The following MGAT5 variants were observed in gnomAD, a reference collection of about 807,000 sequenced individuals.
The protein encoded by MGAT5 is alpha-1,6-mannosylglycoprotein 6-beta-N-acetylglucosaminyltransferase A.
MGAT5 carries 30 observed loss-of-function variants against 94.3 expected under a neutral mutation model. The ratio of observed to expected loss-of-function variants is 0.32; its 90% CI spans 0.24 to 0.43. The LOEUF (loss-of-function observed/expected upper bound fraction) is 0.43, where lower values mean the gene tolerates loss of function less well. Ranked by LOEUF, MGAT5 falls within the 20% of genes least tolerant of loss-of-function variation. The pLI is 1.00. For synonymous variants in MGAT5, 310 were observed against 322.9 expected (o/e 0.96, Z 0.43); for missense variants, 691 against 905.5 (o/e 0.76, Z 3.04).
chr2:134,410,257 T>G (rs975209665), intron 11 of MGAT5, among the ~76,000 whole-genome samples: 9 of 152,368 alleles, frequency 5.9e-5, no homozygotes, highest in Non-Finnish European at 1.2e-4. Flanking sequence ...TCTCTCCGCC[T>G]GTTGTGTTTT....
intron 1 of MGAT5, among the ~76,000 whole-genome samples, chr2:134,157,920 C>T (rs1219857133): frequency 1.3e-5 from 2 of 152,222 alleles, no homozygotes; most frequent in Non-Finnish European, 2.9e-5. Flanking sequence ...CTTCTATCCA[C>T]AGGCAGGGTG....
intron 1 of MGAT5, among the ~76,000 whole-genome samples, chr2:134,185,130 A>G (rs535206485): frequency 4.6e-5 from 7 of 152,004 alleles, no homozygotes; most frequent in African/African-American, 1.4e-4. Context: ...GACTTTGGGG[A>G]CTCTGGGGGA....
At chr2:134,349,166 C>T (rs1024189215) in intron 8 of MGAT5, among the ~76,000 whole-genome samples, 3 of 152,074 alleles carry the variant, frequency 2.0e-5, no homozygotes, top group Admixed American at 2.0e-4. Context: ...AGGCGGTAGA[C>T]CAGATTTGGC....
intron 10 of MGAT5, among the ~76,000 whole-genome samples, chr2:134,397,507 AGGTG>A (rs1427530969): frequency 6.6e-6 from 1 of 152,072 alleles, no homozygotes; most frequent in Non-Finnish European, 1.5e-5. Context: ...GAGAGAAAGG[AGGTG>A]GGTTTTATTC....
intron 1 of MGAT5, among the ~76,000 whole-genome samples, chr2:134,248,294 G>C (rs1682394525): frequency 6.6e-6 from 1 of 152,196 alleles, no homozygotes; most frequent in South Asian, 2.1e-4. Context: ...TGTGTGCAAG[G>C]CATGGCCATT....
upstream of MGAT5, among the ~76,000 whole-genome samples, chr2:134,250,162 T>C (rs1682509317): frequency 1.3e-5 from 2 of 152,200 alleles, no homozygotes; most frequent in African/African-American, 2.4e-5. Flanking sequence ...GCTACTCTTT[T>C]AGAAAGTAGG....
At chr2:134,173,822 T>C (rs1326176487) in intron 1 of MGAT5, among the ~76,000 whole-genome samples, 1 of 152,244 alleles carries the variant, frequency 6.6e-6, no homozygotes, top group African/African-American at 2.4e-5. Context: ...CAGATGACTT[T>C]ACATTCTTTG....
rs1684703743 is a variant in MGAT5 at position 134,428,399 on chromosome 2, A to C, written c.1829A>C (p.Glu610Ala). Residue 610 changes from glutamate (E) to alanine (A), a missense_variant, in exon 14 of 16, where the codon GAG becomes GCG. Around this residue, in one of 4 missense-constraint regions of MGAT5, gnomAD observed 260 missense variants for 347.0 expected, o/e 0.75. Transcript: ENST00000281923. ...TACATGCCATATGAATTTACGTGCG[A>C]GGGGATGCTACAGAGAATCAATGCT... ...EPYMPYEFTCEGMLQRINAFI... is the reference protein window; with the variant it reads ...EPYMPYEFTCAGMLQRINAFI... The C allele has an allele frequency of 1.2e-6, 2 of 1,614,120 alleles. No homozygotes were observed. Among genetic ancestry groups the C allele is most frequent in the Non-Finnish European group, 1.7e-6 (2 of 1,180,000 alleles).
At chr2:134,168,319 G>A (rs1688048618) in intron 1 of MGAT5, among the ~76,000 whole-genome samples, 1 of 152,168 alleles carries the variant, frequency 6.6e-6, no homozygotes, top group Non-Finnish European at 1.5e-5. Flanking sequence ...CAGTTTGACA[G>A]CTGGAGCTTT....
Position 134,203,873 on chromosome 2 carries a change from G to A in MGAT5, c.-142-50389G>A, listed in dbSNP as rs144727328. On this transcript the variant is annotated intron_variant, in intron 1 of 16. Coordinates refer to the MGAT5 transcript ENST00000409645. ...TTTAAGTTGGCCTCACACCTCTCTGGACATTCATTTCTTCACCTGAAAAAT... is the reference window on the plus strand; with the variant it reads ...TTTAAGTTGGCCTCACACCTCTCTGAACATTCATTTCTTCACCTGAAAAAT... Among the ~76,000 whole-genome samples, 352 of 152,214 alleles carry A rather than the reference G, an allele frequency of 2.3e-3. 1 individual carries two copies. Among genetic ancestry groups the A allele is most frequent in the Admixed American group, 4.6e-3 (70 of 15,292 alleles).
At chr2:134,156,550 C>T (rs1419342408) in intron 1 of MGAT5, among the ~76,000 whole-genome samples, 1 of 152,130 alleles carries the variant, frequency 6.6e-6, no homozygotes, top group Non-Finnish European at 1.5e-5. Context: ...GCAAGGATCC[C>T]AGTGGTTTGG....
intron 11 of MGAT5, among the ~76,000 whole-genome samples, chr2:134,411,296 GT>G (rs1276374983): frequency 6.6e-6 from 1 of 152,014 alleles, no homozygotes; most frequent in East Asian, 1.9e-4. Context: ...TGGCTACCAT[GT>G]TTTCCTCACC....
chr2:134,344,894 C>T (rs1439355713), intron 7 of MGAT5, 36 bp from the exon 8 acceptor site: 3 of 1,600,178 alleles, frequency 1.9e-6, no homozygotes, highest in Admixed American at 1.7e-5. Flanking sequence ...AATGATTTTT[C>T]TCTTTTTTCT....
rs374668404 is a variant in MGAT5 at position 134,316,350 on chromosome 2, G to A, written c.407-1179G>A. Among the ~76,000 whole-genome samples the A allele has an allele frequency of 2.0e-3, 300 of 152,144 alleles. 2 individuals are homozygous for A. The highest frequency in any genetic ancestry group is 6.9e-3 in the African/African-American group (288 of 41,512). ...TTGAGACCACCTCAGTTCCTTGAAC[G>A]GCATCGTTAGATTGTCCCTTTGGCT... On this transcript the variant is annotated intron_variant, in intron 2 of 15. Coordinates refer to ENST00000281923, the MANE Select transcript of MGAT5 (RefSeq NM_002410.5).
At chr2:134,382,979 T>C (rs1558843566) in intron 10 of MGAT5, among the ~76,000 whole-genome samples, 1 of 152,190 alleles carries the variant, frequency 6.6e-6, no homozygotes, top group African/African-American at 2.4e-5. Context: ...TATATAAACT[T>C]AGTTGGTAGC....
intron 1 of MGAT5, among the ~76,000 whole-genome samples, chr2:134,260,082 A>C (rs946226637): frequency 7.7e-6 from 1 of 129,810 alleles, no homozygotes; most frequent in Non-Finnish European, 1.6e-5. Flanking sequence ...CCTAAGGCCT[A>C]CTCCAGGGTA....
chr2:134,394,969 T>C (rs150375178), intron 10 of MGAT5, among the ~76,000 whole-genome samples: 19 of 152,392 alleles, frequency 1.2e-4, no homozygotes, highest in African/African-American at 4.6e-4. Flanking sequence ...CAGCCCTCTT[T>C]GTCACTAAAC....
At chr2:134,366,652 A>G (rs1053934272) in intron 10 of MGAT5, among the ~76,000 whole-genome samples, 3 of 152,194 alleles carry the variant, frequency 2.0e-5, no homozygotes, top group Non-Finnish European at 2.9e-5. Context: ...TAATGCACAC[A>G]TCACCTGAGG....
chr2:134,228,051 A>T (rs1691218831), intron 1 of MGAT5, among the ~76,000 whole-genome samples: 1 of 152,214 alleles, frequency 6.6e-6, no homozygotes. Flanking sequence ...ACAAATTTTT[A>T]CAGAAGGAGC....
Sources: allele counts gnomAD v4.1 joint callset (sites outside exome capture counted in the v4.1 genomes callset), GRCh38; gene constraint gnomAD v4.1.1; regional missense constraint gnomAD v4.1.1; transcripts MANE v1.5; gene names NCBI Gene and HGNC (gene_info 2026-07-23, HGNC 2026-07-21).